Variants in AHI1 observed in about 807,000 individuals in gnomAD.
The protein encoded by AHI1 is Abelson helper integration site 1.
In AHI1, 123 loss-of-function variants were observed where a neutral mutation model predicts 149.3. That is an observed-to-expected ratio of 0.82 (90% CI 0.71 to 0.96). The LOEUF is 0.96. Among genes scored for constraint, AHI1 ranks in the 40% least tolerant of loss-of-function variants. AHI1 has a pLI of 0.00. For synonymous variants in AHI1, 475 were observed against 459.8 expected (o/e 1.03, Z -0.42); for missense variants, 1,439 against 1,422.7 (o/e 1.01, Z -0.18).
At chr6:135,459,024 A>G (rs1023062225) in intron 8 of AHI1, among the ~76,000 whole-genome samples, 4 of 152,222 alleles carry the variant, frequency 2.6e-5, no homozygotes, top group African/African-American at 7.2e-5. Flanking sequence ...AGAAGAACTG[A>G]GCACAATTAA....
chr6:135,477,035 CTCTT>C (rs1353714238), intron 5 of AHI1, among the ~76,000 whole-genome samples: 2 of 151,014 alleles, frequency 1.3e-5, no homozygotes, highest in African/African-American at 4.9e-5. Flanking sequence ...TCTCTTTGTC[CTCTT>C]TTTTTTTTTC....
chr6:135,404,220 AT>A (rs1446423402), intron 22 of AHI1, among the ~76,000 whole-genome samples: 1 of 152,220 alleles, frequency 6.6e-6, no homozygotes, highest in Non-Finnish European at 1.5e-5. Flanking sequence ...TCATGTTGCC[AT>A]TCCAACTCCT....
At chr6:135,337,765 A>T (rs2128406688) in intron 24 of AHI1, among the ~76,000 whole-genome samples, 1 of 103,198 alleles carries the variant, frequency 9.7e-6, no homozygotes, top group South Asian at 2.9e-4. Context: ...ATTCTGTCTC[A>T]AAAAGAAAAA....
intron 27 of AHI1, among the ~76,000 whole-genome samples, chr6:135,300,011 A>G (rs1364055802): frequency 6.6e-6 from 1 of 152,176 alleles, no homozygotes; most frequent in Non-Finnish European, 1.5e-5. Flanking sequence ...ACATTCTCAG[A>G]GTCCAACTAT....
At chr6:135,415,922 C>T (rs1782308452) in intron 20 of AHI1, among the ~76,000 whole-genome samples, 1 of 152,104 alleles carries the variant, frequency 6.6e-6, no homozygotes. Context: ...ATGGTATATA[C>T]AGTTTCACTT....
intron 27 of AHI1, among the ~76,000 whole-genome samples, chr6:135,298,339 A>C (rs955528777): frequency 6.6e-5 from 10 of 151,922 alleles, no homozygotes; most frequent in African/African-American, 9.7e-5. Context: ...AAAAAAAAAA[A>C]AAACAAAAAA....
chr6:135,457,301 G>A (rs932469981), intron 9 of AHI1, among the ~76,000 whole-genome samples, 193 bp downstream of exon 9: 1 of 152,146 alleles, frequency 6.6e-6, no homozygotes, highest in African/African-American at 2.4e-5. Flanking sequence ...AGTAATTACT[G>A]AATTAGATGT....
chr6:135,359,710 C>T (rs1416122493), intron 23 of AHI1, among the ~76,000 whole-genome samples: 1 of 152,180 alleles, frequency 6.6e-6, no homozygotes, highest in East Asian at 1.9e-4. Context: ...CAATTAACAA[C>T]ATCTTACACA....
At chr6:135,370,811 C>A (rs548904097) in intron 23 of AHI1, among the ~76,000 whole-genome samples, 3 of 152,074 alleles carry the variant, frequency 2.0e-5, no homozygotes, top group African/African-American at 4.8e-5. Flanking sequence ...TTAAAATTTT[C>A]TTGTTTTCGG....
At chr6:135,473,339 C>A (rs1792059897) in intron 5 of AHI1, among the ~76,000 whole-genome samples, 1 of 152,086 alleles carries the variant, frequency 6.6e-6, no homozygotes, top group Non-Finnish European at 1.5e-5. Flanking sequence ...AGATTGTATT[C>A]ATCACTATTG....
Position 135,442,653 on chromosome 6 carries a change from C to CA in AHI1, c.1840dup (p.Cys614LeufsTer3), listed in dbSNP as rs1163874095. The CA allele has an allele frequency of 1.2e-6, 2 of 1,610,826 alleles. No individual in the cohort carries two copies. The highest frequency in any genetic ancestry group is 1.7e-5 in the Admixed American group (1 of 59,716). On this transcript the variant is annotated frameshift_variant, in exon 14 of 29. Coordinates refer to ENST00000265602, the MANE Select transcript of AHI1 (RefSeq NM_001134831.2). LOFTEE classifies it high-confidence loss of function. The stretch of plus-strand genomic sequence containing the variant: ...TCTTCCATTGTGGGAGAAATCAAGA[C>CA]AAAAACATCCTCGTTCTCCTGCATT...
rs764546253 is a variant in AHI1 at position 135,383,226 on chromosome 6, C to CTTTT, written c.3109+11546_3109+11549dup. Among the ~76,000 whole-genome samples, 150 of 76,858 alleles carry CTTTT rather than the reference C, an allele frequency of 2.0e-3. 17 individuals are homozygous for CTTTT. The highest frequency in any genetic ancestry group is 0.019 in the Middle Eastern group (1 of 54). 50.4% of individuals were successfully genotyped at this position (76,858 alleles called of 152,430 possible). A position where few individuals can be genotyped will look rare whatever the true frequency, so the allele number is the denominator to read the frequency against. On this transcript the variant is annotated intron_variant, in intron 23 of 28. Transcript: ENST00000265602. ...GATTGATTCCTTCCTTCCCCCCTCC[C>CTTTT]TTTTTTTTTTTTTTTTTTTTTGAGA...
chr6:135,402,772 C>T (rs1780201213), intron 22 of AHI1, among the ~76,000 whole-genome samples: 2 of 152,140 alleles, frequency 1.3e-5, no homozygotes, highest in South Asian at 4.1e-4. Flanking sequence ...TTCTTAATAA[C>T]ATTTTCTGTT....
rs908600104 is a variant in AHI1 at position 135,285,445 on chromosome 6, A to T, written c.*200T>A. On this transcript the variant is annotated 3_prime_UTR_variant, in exon 29 of 29. Transcript: ENST00000265602. ...AACAATAGTCACAATGGTTTATAAC[A>T]ACTGAACTCAAAGGCCACGTTGATT... 1.6e-6 allele frequency: 1 copy of T among 629,476 alleles called. No homozygotes were observed. Among genetic ancestry groups the T allele is most frequent in the African/African-American group, 1.8e-5 (1 of 54,366 alleles). 39.0% of individuals were successfully genotyped at this position (629,476 alleles called of 1,614,324 possible).
chr6:135,290,573 A>G lies in AHI1; in HGVS notation c.3486-48T>C, dbSNP rs761149811. ...ACAAGGAGCCAGTAAAAGAGAGCTG[A>G]GCTAAAAGCTCAGATGAGGCTTTGA... On this transcript the variant is annotated intron_variant, in intron 27 of 28. Coordinates refer to ENST00000265602, the MANE Select transcript of AHI1 (RefSeq NM_001134831.2). The G allele has an allele frequency of 1.9e-6, 3 of 1,601,564 alleles. No homozygotes were observed. In the South Asian group the frequency reaches 3.3e-5, roughly 18 times the overall value.
At chr6:135,369,681 T>C (rs1360090194) in intron 23 of AHI1, among the ~76,000 whole-genome samples, 2 of 152,228 alleles carry the variant, frequency 1.3e-5, no homozygotes, top group African/African-American at 4.8e-5. Context: ...TCTTCATCTT[T>C]GTTTCAATTT....
intron 24 of AHI1, among the ~76,000 whole-genome samples, chr6:135,356,455 T>G (rs1304628709): frequency 6.6e-6 from 1 of 152,172 alleles, no homozygotes; most frequent in Non-Finnish European, 1.5e-5. Flanking sequence ...AACAGACTTA[T>G]GATTCTATTT....
intron 5 of AHI1, among the ~76,000 whole-genome samples, chr6:135,473,557 G>T (rs1487017371): frequency 1.3e-5 from 2 of 152,102 alleles, no homozygotes; most frequent in Non-Finnish European, 2.9e-5. Flanking sequence ...AGAAAAAGAA[G>T]TCTCCTGGCA....
Position 135,482,894 on chromosome 6 carries a change from C to CTTTTTTTCTTTTTTTTTTTTTTT in AHI1, c.135+7728_135+7729insAAAAAAAAAAAAAAAGAAAAAAA, listed in dbSNP as rs1793905606. ...TTCAACCAGTATAATCCATTTAAGG[C>CTTTTTTTCTTTTTTTTTTTTTTT]TTTTTTTTTTTTTTTGAGACAGAGT... On this transcript the variant is annotated intron_variant, in intron 5 of 28. Coordinates refer to ENST00000265602, the MANE Select transcript of AHI1 (RefSeq NM_001134831.2). Among the ~76,000 whole-genome samples the CTTTTTTTCTTTTTTTTTTTTTTT allele has an allele frequency of 6.8e-4, 38 of 55,730 alleles. 4 individuals carry two copies. The highest frequency in any genetic ancestry group is 3.2e-3 in the African/African-American group (34 of 10,784). 36.6% of individuals were successfully genotyped at this position (55,730 alleles called of 152,430 possible).
Sources: allele counts gnomAD v4.1 joint callset (sites outside exome capture counted in the v4.1 genomes callset), GRCh38; gene constraint gnomAD v4.1.1; transcripts MANE v1.5; gene names NCBI Gene and HGNC (gene_info 2026-07-23, HGNC 2026-07-21).